The following MEIG1 variants were observed in gnomAD, a reference collection of about 807,000 sequenced individuals.
MEIG1 encodes the protein meiosis expressed gene 1 protein homolog.
Under a neutral mutation model 11.3 loss-of-function variants are expected in MEIG1, and 12 were observed. The observed-to-expected ratio is 1.07, with a 90% confidence interval of 0.68 to 1.73. The LOEUF is 1.73. Ranked by LOEUF, MEIG1 falls within the 40% of genes most tolerant of loss-of-function variation. The pLI is 0.00. For missense variants in MEIG1, 119 were observed against 104.9 expected, an observed-to-expected ratio of 1.13 and a Z score of -0.59; for synonymous variants, 41 against 33.2, an observed-to-expected ratio of 1.24 and a Z score of -0.81.
At chr10:14,969,293 T>A (rs1490807590) in intron 2 of MEIG1, among the ~76,000 whole-genome samples, 2 of 151,550 alleles carry the variant, frequency 1.3e-5, no homozygotes, top group Admixed American at 6.6e-5. Context: ...CAAAAAACTT[T>A]TTTTAATTAG....
At chr10:14,984,179 G>C (rs1311154167) in intron 1 of MEIG1, among the ~76,000 whole-genome samples, 3 of 151,878 alleles carry the variant, frequency 2.0e-5, no homozygotes, top group Non-Finnish European at 2.9e-5. Flanking sequence ...GGCGGGGAGA[G>C]GGGGGTGCTA....
At chr10:14,984,297 G>C (rs550256129) in intron 1 of MEIG1, among the ~76,000 whole-genome samples, 2 of 152,044 alleles carry the variant, frequency 1.3e-5, no homozygotes, top group Admixed American at 1.3e-4. Context: ...AGGAGATTTC[G>C]TCTACTACCA....
intron 1 of MEIG1, among the ~76,000 whole-genome samples, chr10:14,985,964 T>A (rs1246186884): frequency 1.3e-5 from 2 of 152,044 alleles, no homozygotes; most frequent in Non-Finnish European, 2.9e-5. Context: ...ACTCCTCATA[T>A]CACACAGTGT....
intron 2 of MEIG1, among the ~76,000 whole-genome samples, chr10:14,966,888 C>T (rs930883472): frequency 6.6e-6 from 1 of 152,136 alleles, no homozygotes; most frequent in Non-Finnish European, 1.5e-5. Flanking sequence ...CGTGCACCAC[C>T]ACGCCTGGCT....
Position 14,972,730 on chromosome 10 carries a change from C to A in MEIG1, c.*89C>A. ...GTGTTTGTCATTTGATGAAATAATT[C>A]AAGATGCAGTCTGCAGTTTAATGTT... On this transcript the variant is annotated 3_prime_UTR_variant, in exon 3 of 3. Transcript: ENST00000407572. The A allele has an allele frequency of 8.1e-7, 1 of 1,236,760 alleles. No individual in the cohort carries two copies. Among genetic ancestry groups the A allele is most frequent in the Non-Finnish European group, 1.1e-6 (1 of 907,622 alleles). 76.6% of individuals were successfully genotyped at this position (1,236,760 alleles called of 1,614,324 possible). A position where few individuals can be genotyped will look rare whatever the true frequency, so the allele number is the denominator to read the frequency against.
At chr10:14,972,249 A>T (rs1162800057) in intron 2 of MEIG1, among the ~76,000 whole-genome samples, 1 of 152,164 alleles carries the variant, frequency 6.6e-6, no homozygotes, top group Non-Finnish European at 1.5e-5. Context: ...TCCTGACCTC[A>T]ATTGATCCAC....
chr10:14,966,007 CTA>C (rs1843078424), intron 1 of MEIG1, among the ~76,000 whole-genome samples: 2 of 150,186 alleles, frequency 1.3e-5, no homozygotes, highest in Non-Finnish European at 3.0e-5. Flanking sequence ...TTAAAAACTA[CTA>C]TATTTAATGG....
At chr10:14,987,497 C>G in intron 2 of MEIG1, 16 of 708,692 alleles carry the variant, frequency 2.3e-5, no homozygotes, top group Non-Finnish European at 5.2e-6. Context: ...AAGGTAAAAA[C>G]CAGCCCTTAA....
intron 1 of MEIG1, among the ~76,000 whole-genome samples, chr10:14,981,977 T>C (rs1843270271): frequency 6.6e-6 from 1 of 152,236 alleles, no homozygotes; most frequent in South Asian, 2.1e-4. Flanking sequence ...AAACACCTGC[T>C]TAGCTCTTTC....
intron 1 of MEIG1, among the ~76,000 whole-genome samples, chr10:14,985,296 C>T (rs1305472399): frequency 6.6e-6 from 1 of 151,616 alleles, no homozygotes; most frequent in African/African-American, 2.4e-5. Context: ...CATATCCTGG[C>T]GGGATGTTAC....
At chr10:14,957,095 G>A (rs556989225), upstream of MEIG1, among the ~76,000 whole-genome samples, 13 of 152,300 alleles carry the variant, frequency 8.5e-5, no homozygotes, top group African/African-American at 2.6e-4. Flanking sequence ...CCCTGTGGAC[G>A]TGGGAGTGTA....
upstream of MEIG1, chr10:14,954,427 G>C (rs1414372569): frequency 1.3e-5 from 4 of 307,526 alleles, no homozygotes; most frequent in South Asian, 9.0e-5. Flanking sequence ...ATCATTCTTC[G>C]TTCCGCTTCC....
chr10:14,982,458 C>T (rs943348829), intron 1 of MEIG1, among the ~76,000 whole-genome samples: 8 of 152,172 alleles, frequency 5.3e-5, no homozygotes, highest in Non-Finnish European at 1.0e-4. Flanking sequence ...TGGTGGCAAT[C>T]AGCCCAGGTG....
chr10:14,956,347 C>T (rs1374266385), upstream of MEIG1, among the ~76,000 whole-genome samples: 3 of 151,362 alleles, frequency 2.0e-5, no homozygotes, highest in Admixed American at 1.3e-4. Flanking sequence ...GGGAGGCCGA[C>T]GCAGGTGGAT....
At chr10:14,975,221 G>A (rs111837726), downstream of MEIG1, among the ~76,000 whole-genome samples, 15 of 152,156 alleles carry the variant, frequency 9.9e-5, no homozygotes, top group African/African-American at 3.1e-4. Context: ...CCTAATATCC[G>A]GAGGGGGAGA....
intron 2 of MEIG1, among the ~76,000 whole-genome samples, chr10:14,971,029 A>G (rs1843142227): frequency 6.6e-6 from 1 of 152,134 alleles, no homozygotes; most frequent in Non-Finnish European, 1.5e-5. Flanking sequence ...GTGGAGAGAC[A>G]GATCTCCAAA....
intron 1 of MEIG1, among the ~76,000 whole-genome samples, chr10:14,960,158 C>A (rs143241404): frequency 6.6e-6 from 1 of 152,142 alleles, no homozygotes; most frequent in South Asian, 2.1e-4. Context: ...CAGGCGCAGG[C>A]GTGTTCATGG....
At chr10:14,984,253 G>T (rs1056732839) in intron 1 of MEIG1, among the ~76,000 whole-genome samples, 2 of 150,994 alleles carry the variant, frequency 1.3e-5, no homozygotes, top group African/African-American at 2.4e-5. Flanking sequence ...TCCAGGGTGG[G>T]AGAGGGGGGT....
At chr10:14,959,078 T>C (rs1045259339), upstream of MEIG1, among the ~76,000 whole-genome samples, 3 of 152,216 alleles carry the variant, frequency 2.0e-5, no homozygotes, top group Admixed American at 6.5e-5. Context: ...GGTTCATTCC[T>C]CGCAAATGAA....
Sources: gnomAD v4.1 joint callset for allele counts (sites outside exome capture counted in the v4.1 genomes callset) on GRCh38, gnomAD v4.1.1 for gene constraint, MANE v1.5 for transcripts, NCBI Gene and HGNC (gene_info 2026-07-23, HGNC 2026-07-21) for gene names.